The following MPHOSPH9 variants were observed in gnomAD, a reference collection of about 807,000 sequenced individuals.
MPHOSPH9 encodes M-phase phosphoprotein 9.
A neutral mutation model predicts 145.5 loss-of-function variants in MPHOSPH9; 88 were observed. That is an observed-to-expected ratio of 0.60 (90% CI 0.51 to 0.72). The LOEUF (loss-of-function observed/expected upper bound fraction) is 0.72. MPHOSPH9 is among the 30% of genes least tolerant of loss of function. The pLI is 0.00. For missense variants in MPHOSPH9, 1,238 were observed against 1,386.6 expected (o/e 0.89, Z 1.70); for synonymous variants, 435 against 486.2 (o/e 0.89, Z 1.39).
chr12:123,216,093 C>T (rs373580005), intron 6 of MPHOSPH9, among the ~76,000 whole-genome samples: 32 of 152,182 alleles, frequency 2.1e-4, no homozygotes, highest in East Asian at 5.8e-4. Context: ...AAAAATTAGC[C>T]GGGCGTGGTG....
chr12:123,214,970 G>A (rs761131969), intron 6 of MPHOSPH9, 136 bp from the exon 7 acceptor site: 14 of 720,570 alleles, frequency 1.9e-5, no homozygotes, highest in South Asian at 1.7e-5. Flanking sequence ...CTGGCCAGGC[G>A]TGATAGCTCA....
chr12:123,209,249 A>C (rs987655159), intron 8 of MPHOSPH9, among the ~76,000 whole-genome samples: 2 of 152,116 alleles, frequency 1.3e-5, no homozygotes, highest in Non-Finnish European at 2.9e-5. Flanking sequence ...TCCACTTTTA[A>C]GAAGCATTGC....
At chr12:123,205,615 A>C (rs2046393694) in intron 8 of MPHOSPH9, among the ~76,000 whole-genome samples, 1 of 152,036 alleles carries the variant, frequency 6.6e-6, no homozygotes. Context: ...CAATAACCTA[A>C]AGAAGCCTTT....
intron 11 of MPHOSPH9, among the ~76,000 whole-genome samples, chr12:123,201,248 T>TTTTG (rs2046209354): frequency 9.1e-6 from 1 of 110,424 alleles, no homozygotes; most frequent in Non-Finnish European, 2.2e-5. Flanking sequence ...GTTTTGTTTT[T>TTTTG]TTGAAAGTTA....
intron 3 of MPHOSPH9, chr12:123,226,457 T>G: frequency 3.4e-6 from 1 of 294,880 alleles, no homozygotes; most frequent in Non-Finnish European, 5.4e-6. Context: ...TATAAAAAAC[T>G]ATCAAATCCA....
chr12:123,183,547 C>CAA (rs746928699), intron 13 of MPHOSPH9, among the ~76,000 whole-genome samples: 32,452 of 59,864 alleles, frequency 0.54, 9,408 homozygotes, highest in Non-Finnish European at 0.67. Context: ...GACTCTGTCT[C>CAA]AAAAAAAAAA....
intron 12 of MPHOSPH9, among the ~76,000 whole-genome samples, chr12:123,196,029 T>A (rs1323775068): frequency 6.7e-6 from 1 of 148,746 alleles, no homozygotes; most frequent in Non-Finnish European, 1.5e-5. Flanking sequence ...AGTGAGACCC[T>A]GTCTCAAAAA....
In MPHOSPH9 at chr12:123,210,105, A is replaced by G. The variant is rs753415977; in HGVS notation, c.1145T>C (p.Leu382Ser). The G allele has an allele frequency of 3.1e-6, 5 of 1,611,912 alleles. No homozygotes were observed. Among genetic ancestry groups the G allele is most frequent in the East Asian group, 2.2e-5 (1 of 44,772 alleles). Residue 382 changes from leucine (L) to serine (S), a missense_variant, in exon 8 of 24, where the codon TTA becomes TCA. Physicochemically the swap from Leu to Ser is moderately radical, Grantham distance 145 (BLOSUM62 -2). Coordinates refer to ENST00000606320, the MANE Select transcript of MPHOSPH9 (RefSeq NM_022782.4). The part of the protein sequence containing the change: ...KDMHHSLPET[L>S]EKTFISLSST... ...AGACAATGATATGAACGTCTTCTCT[A>G]AAGTTTCAGGCAAAGAGTGGTGCAT...
chr12:123,209,529 C>T (rs1341000925), intron 8 of MPHOSPH9, among the ~76,000 whole-genome samples: 2 of 151,962 alleles, frequency 1.3e-5, no homozygotes, highest in East Asian at 3.9e-4. Context: ...GCCTCAGCCT[C>T]CCAAATAGCT....
In MPHOSPH9 at chr12:123,240,892, T is replaced by C. The variant is rs573759486; in HGVS notation, c.-159+2961A>G. ...TGCACCCAGCTAATTTTTTGTATTT[T>C]TAGTAGAGATGGGATTTCACCATGT... On this transcript the variant is annotated intron_variant, in intron 1 of 2. Transcript: ENST00000545406. Among the ~76,000 whole-genome samples the C allele has an allele frequency of 7.2e-5, 11 of 152,072 alleles. No homozygotes were observed. In the South Asian group the frequency reaches 2.3e-3, roughly 32 times the overall value.
chr12:123,222,527 A>T (rs912373142), intron 4 of MPHOSPH9, among the ~76,000 whole-genome samples: 2 of 151,864 alleles, frequency 1.3e-5, no homozygotes, highest in Non-Finnish European at 2.9e-5. Context: ...GGTGGCACAC[A>T]CCTGTATTCC....
Position 123,221,230 on chromosome 12 carries a change from A to T in MPHOSPH9, c.872+142T>A, listed in dbSNP as rs891680455. ...AAGAAAGTCAGTGTCATTAGAATAT[A>T]GTGTGCTTTGTTTATTTCAATTTTC... On this transcript the variant is annotated intron_variant, in intron 5 of 23. Transcript: ENST00000606320. The T allele has an allele frequency of 4.3e-5, 29 of 679,720 alleles. 1 individual carries two copies. Among genetic ancestry groups the T allele is most frequent in the South Asian group, 2.1e-4 (10 of 46,720 alleles). The allele number at this position is 679,720 out of a possible 1,614,324, so 42.1% of individuals were successfully genotyped here.
At chr12:123,192,229 G>A (rs2045709524) in intron 13 of MPHOSPH9, among the ~76,000 whole-genome samples, 1 of 152,100 alleles carries the variant, frequency 6.6e-6, no homozygotes, top group Non-Finnish European at 1.5e-5. Flanking sequence ...TGAGGCAGGA[G>A]GAACGCTTGA....
chr12:123,240,374 C>G (rs1181695247), intron 1 of MPHOSPH9, among the ~76,000 whole-genome samples: 1 of 151,964 alleles, frequency 6.6e-6, no homozygotes, highest in East Asian at 1.9e-4. Context: ...AAATGCAGAG[C>G]CTCAGGCCTC....
At chr12:123,197,046 T>TG (rs1565937477) in intron 12 of MPHOSPH9, among the ~76,000 whole-genome samples, 3 of 147,510 alleles carry the variant, frequency 2.0e-5, no homozygotes, top group Non-Finnish European at 3.0e-5. Context: ...TTTTTTTTTT[T>TG]TTTTTTTTTT....
At chr12:123,240,227 A>T (rs1249350052) in intron 1 of MPHOSPH9, among the ~76,000 whole-genome samples, 6 of 124,720 alleles carry the variant, frequency 4.8e-5, no homozygotes, top group South Asian at 2.7e-4. Flanking sequence ...AAAAAAAAAA[A>T]GCTGGACGTG....
chr12:123,231,923 A>G (rs559496442), intron 1 of MPHOSPH9, among the ~76,000 whole-genome samples: 1 of 147,854 alleles, frequency 6.8e-6, no homozygotes, highest in East Asian at 2.0e-4. Context: ...CAACAGGAAT[A>G]TTATCTAGTA....
intron 13 of MPHOSPH9, among the ~76,000 whole-genome samples, chr12:123,181,580 G>C (rs2045147773): frequency 6.6e-6 from 1 of 151,390 alleles, no homozygotes; most frequent in Non-Finnish European, 1.5e-5. Context: ...AACAAAAGCT[G>C]GGCTCGGTGG....
intron 7 of MPHOSPH9, among the ~76,000 whole-genome samples, chr12:123,211,327 G>A (rs1261652378): frequency 6.6e-6 from 1 of 151,842 alleles, no homozygotes; most frequent in East Asian, 1.9e-4. Context: ...CACCATGTTG[G>A]CCAGGCTGGT....
Sources: gnomAD v4.1 joint callset for allele counts (sites outside exome capture counted in the v4.1 genomes callset) on GRCh38, gnomAD v4.1.1 for gene constraint, MANE v1.5 for transcripts, NCBI Gene and HGNC (gene_info 2026-07-23, HGNC 2026-07-21) for gene names.